The following CNTN6 variants were observed in gnomAD, a reference collection of about 807,000 sequenced individuals.
The protein encoded by CNTN6 is contactin-6.
In CNTN6, 137 loss-of-function variants were observed where a neutral mutation model predicts 122.8. The ratio of observed to expected loss-of-function variants is 1.12; its 90% confidence interval spans 0.97 to 1.29. The LOEUF (loss-of-function observed/expected upper bound fraction) is 1.29, where lower values mean the gene tolerates loss of function less well. Ranked by LOEUF, CNTN6 falls within the 50% of genes most tolerant of loss-of-function variation. CNTN6 has a pLI of 0.00. For missense variants in CNTN6, 1,634 were observed against 1,223.4 expected, an observed-to-expected ratio of 1.34 and a Z score of -5.01; for synonymous variants, 570 against 426.0, an observed-to-expected ratio of 1.34 and a Z score of -4.16.
At chr3:1,350,888 A>G (rs1202999381) in intron 11 of CNTN6, among the ~76,000 whole-genome samples, 4 of 151,902 alleles carry the variant, frequency 2.6e-5, no homozygotes, top group Non-Finnish European at 5.9e-5. Flanking sequence ...ATAAAGAATT[A>G]TATTTGGCCT....
chr3:1,286,094 C>G (rs1694284630), intron 5 of CNTN6, among the ~76,000 whole-genome samples: 1 of 152,228 alleles, frequency 6.6e-6, no homozygotes, highest in African/African-American at 2.4e-5. Flanking sequence ...ACAGAACTCT[C>G]CTGTTGCAGC....
In CNTN6 at chr3:1,373,611, A is replaced by T; in HGVS notation, c.1794A>T (p.Pro598=). 6.2e-7 allele frequency: 1 copy of T among 1,610,998 alleles called. No individual in the cohort carries two copies. The highest frequency in any genetic ancestry group is 8.5e-7 in the Non-Finnish European group (1 of 1,178,558). ...TAAAACATTTTTTTCAAGGTCCACC[A>T]GGTCCTCCTGAGGATGTGCAAGTGG... ...AVADIIVRGP[P]GPPEDVQVED... Residue 598 remains proline (P), a synonymous_variant, in exon 15 of 23, where the codon CCA becomes CCT. Transcript: ENST00000446702.
intron 1 of CNTN6, among the ~76,000 whole-genome samples, chr3:1,115,923 G>A (rs2091700827): frequency 6.6e-6 from 1 of 152,004 alleles, no homozygotes; most frequent in African/African-American, 2.4e-5. Flanking sequence ...AAAGGAGACT[G>A]GAAATAAAAA....
At chr3:1,306,069 G>A (rs1340843701) in intron 7 of CNTN6, among the ~76,000 whole-genome samples, 3 of 152,128 alleles carry the variant, frequency 2.0e-5, no homozygotes, top group Non-Finnish European at 4.4e-5. Flanking sequence ...CAGTTCCTTA[G>A]CGATTATTTT....
In CNTN6 at chr3:1,376,889, C is replaced by G. The variant is rs573260178; in HGVS notation, c.2096-116C>G. The G allele has an allele frequency of 7.1e-5, 45 of 633,772 alleles. 1 individual carries two copies. The South Asian group carries it at 9.9e-4, about 14-fold the overall frequency. 39.3% of individuals were successfully genotyped at this position (633,772 alleles called of 1,614,324 possible). ...ATTTACGTTCATTAAAAATGCAAGA[C>G]TCTCTCACAGTATGCCTGTGTGAGA... On this transcript the variant is annotated intron_variant, in intron 16 of 22. Transcript: ENST00000446702.
intron 7 of CNTN6, among the ~76,000 whole-genome samples, chr3:1,301,585 T>C (rs1432507789): frequency 6.6e-6 from 1 of 152,164 alleles, no homozygotes; most frequent in African/African-American, 2.4e-5. Flanking sequence ...TCAAGGAAAT[T>C]CTTGATTTAA....
chr3:1,121,580 T>C (rs931243690), intron 1 of CNTN6, among the ~76,000 whole-genome samples: 3 of 152,116 alleles, frequency 2.0e-5, no homozygotes, highest in African/African-American at 7.2e-5. Context: ...CTGTATTCTT[T>C]TGCTAATCTT....
At chr3:1,171,336 A>G (rs1209934724) in intron 2 of CNTN6, among the ~76,000 whole-genome samples, 1 of 152,242 alleles carries the variant, frequency 6.6e-6, no homozygotes, top group Non-Finnish European at 1.5e-5. Flanking sequence ...ATGTGAAAAT[A>G]CAGCTAAAAT....
intron 20 of CNTN6, among the ~76,000 whole-genome samples, chr3:1,390,082 T>C (rs548256800): frequency 6.6e-6 from 1 of 151,906 alleles, no homozygotes; most frequent in South Asian, 2.1e-4. Flanking sequence ...TACAGAACTC[T>C]CCACCACAAA....
chr3:1,159,810 A>T (rs1346606012), intron 2 of CNTN6, among the ~76,000 whole-genome samples: 2 of 147,058 alleles, frequency 1.4e-5, no homozygotes, highest in Admixed American at 6.7e-5. Flanking sequence ...CAATGTAATC[A>T]TTCGTTTGTT....
intron 7 of CNTN6, among the ~76,000 whole-genome samples, chr3:1,317,490 T>C (rs542786773): frequency 1.3e-5 from 2 of 151,932 alleles, no homozygotes; most frequent in South Asian, 4.1e-4. Flanking sequence ...TGTTTGTTTT[T>C]CGGGGGGTGG....
intron 20 of CNTN6, among the ~76,000 whole-genome samples, chr3:1,401,026 T>G (rs1160160473): frequency 6.6e-6 from 1 of 152,114 alleles, no homozygotes; most frequent in African/African-American, 2.4e-5. Context: ...TAAAGAATTT[T>G]AGGAATGAAC....
rs189999622 is a variant in CNTN6 at position 1,268,154 on chromosome 3, C to T, written c.359-10259C>T. ...ATTTGCCAAAAGGCAAAGCCCAAGACTATGAGAAGCAGGGCAGCCTAGGAT... is the reference window on the plus strand; with the variant it reads ...ATTTGCCAAAAGGCAAAGCCCAAGATTATGAGAAGCAGGGCAGCCTAGGAT... On this transcript the variant is annotated intron_variant, in intron 4 of 22. Coordinates refer to ENST00000446702, the MANE Select transcript of CNTN6 (RefSeq NM_001289080.2). Among the ~76,000 whole-genome samples the T allele has an allele frequency of 4.2e-4, 64 of 152,352 alleles. 1 individual carries two copies. Among genetic ancestry groups the T allele is most frequent in the East Asian group, 3.9e-4 (2 of 5,182 alleles).
chr3:1,126,408 T>A (rs988560533), intron 1 of CNTN6, among the ~76,000 whole-genome samples: 1 of 151,930 alleles, frequency 6.6e-6, no homozygotes. Flanking sequence ...GCTCAGAGAA[T>A]GTTCAGTTTG....
At chr3:1,267,617 C>T (rs2094947343) in intron 4 of CNTN6, among the ~76,000 whole-genome samples, 2 of 152,050 alleles carry the variant, frequency 1.3e-5, no homozygotes, top group African/African-American at 4.8e-5. Flanking sequence ...ATGCTGATAT[C>T]CAAGTAGGAA....
chr3:1,185,184 T>C (rs772913856), intron 2 of CNTN6, among the ~76,000 whole-genome samples: 1 of 152,166 alleles, frequency 6.6e-6, no homozygotes, highest in African/African-American at 2.4e-5. Context: ...GGTAATAGAA[T>C]ATGTCCTATT....
intron 7 of CNTN6, among the ~76,000 whole-genome samples, chr3:1,317,421 A>G (rs1575675954): frequency 6.6e-6 from 1 of 151,754 alleles, no homozygotes; most frequent in Non-Finnish European, 1.5e-5. Context: ...ATGACTCAAA[A>G]TGGGCTTAAG....
At chr3:1,349,395 G>GTT (rs1260279867) in intron 11 of CNTN6, among the ~76,000 whole-genome samples, 2,968 of 151,162 alleles carry the variant, frequency 0.02, 114 homozygotes, top group African/African-American at 0.068. Flanking sequence ...CTGGCTGTGT[G>GTT]TGTTTTTTTT....
At position 1,403,954 on chromosome 3, in the gene CNTN6, T is replaced by C. The variant is rs540132003; in HGVS notation, c.*536T>C. The C allele has an allele frequency of 1.7e-4, 26 of 152,302 alleles. No homozygotes were observed. The highest frequency in any genetic ancestry group is 5.8e-4 in the African/African-American group (24 of 41,574). 9.4% of individuals were successfully genotyped at this position (152,302 alleles called of 1,614,324 possible). On this transcript the variant is annotated 3_prime_UTR_variant, in exon 23 of 23. Transcript: ENST00000446702. ...CTTTTTACTCAAGAATATTTCAATA[T>C]ACATGATGTTCTTCTCAGCCCACTT...
Sources: allele counts gnomAD v4.1 joint callset (sites outside exome capture counted in the v4.1 genomes callset), GRCh38; gene constraint gnomAD v4.1.1; transcripts MANE v1.5; gene names NCBI Gene and HGNC (gene_info 2026-07-23, HGNC 2026-07-21).